The following DZIP1L variants were observed in gnomAD, a reference collection of about 807,000 sequenced individuals.
The protein encoded by DZIP1L is cilium assembly protein DZIP1L.
Under a neutral mutation model 88.7 loss-of-function variants are expected in DZIP1L, and 90 were observed. The observed-to-expected ratio is 1.02, with a 90% CI of 0.86 to 1.21. DZIP1L has a LOEUF of 1.21. Among genes scored for constraint, DZIP1L ranks in the 50% most tolerant of loss-of-function variants. The probability of loss-of-function intolerance (pLI) is 0.00; values close to 1 mark genes in which losing one functional copy is unlikely to be tolerated. For synonymous variants in DZIP1L, 363 were observed against 372.1 expected (o/e 0.98, Z 0.28); for missense variants, 932 against 955.8 (o/e 0.98, Z 0.33).
intron 2 of DZIP1L, among the ~76,000 whole-genome samples, chr3:138,101,326 T>TAGGC (rs2042303424): frequency 1.3e-5 from 2 of 151,188 alleles, no homozygotes; most frequent in African/African-American, 4.9e-5. Flanking sequence ...GGGGGGTCCC[T>TAGGC]AGGCAGTAAA....
chr3:138,082,828 TA>T (rs1456479028), intron 8 of DZIP1L, among the ~76,000 whole-genome samples: 2 of 152,224 alleles, frequency 1.3e-5, no homozygotes, highest in African/African-American at 4.8e-5. Context: ...ATAATATAGA[TA>T]AGCACAAGTC....
At chr3:138,088,556 T>C (rs377514143) in intron 5 of DZIP1L, 49 bp from the exon 6 acceptor site, 4 of 1,596,236 alleles carry the variant, frequency 2.5e-6, no homozygotes, top group East Asian at 2.3e-5. Flanking sequence ...CTCATCATGA[T>C]GTTGTCTTTT....
At chr3:138,101,930 T>C (rs1162591576) in intron 2 of DZIP1L, 1 of 1,483,298 alleles carries the variant, frequency 6.7e-7, no homozygotes, top group Non-Finnish European at 9.4e-7. Context: ...GCATCTGCGA[T>C]GCCCTCTGGC....
chr3:138,104,417 A>G (rs2042419065), intron 1 of DZIP1L, among the ~76,000 whole-genome samples: 1 of 152,198 alleles, frequency 6.6e-6, no homozygotes, highest in African/African-American at 2.4e-5. Context: ...GCCCACCTCC[A>G]CTGCAGGAAT....
chr3:138,085,187 T>C (rs997144607), intron 7 of DZIP1L, among the ~76,000 whole-genome samples: 1 of 152,192 alleles, frequency 6.6e-6, no homozygotes, highest in Non-Finnish European at 1.5e-5. Flanking sequence ...ATTCAGGACA[T>C]AGGCATGGGC....
intron 7 of DZIP1L, among the ~76,000 whole-genome samples, chr3:138,085,743 C>A (rs1269146851): frequency 1.3e-5 from 2 of 152,158 alleles, no homozygotes; most frequent in South Asian, 2.1e-4. Context: ...TTGACCCAGC[C>A]ATCCCATTAC....
chr3:138,087,827 T>G (rs965365726), intron 6 of DZIP1L, among the ~76,000 whole-genome samples: 1 of 152,224 alleles, frequency 6.6e-6, no homozygotes, highest in Admixed American at 6.5e-5. Context: ...ATAACCAGAC[T>G]GCAGTAAAAT....
At chr3:138,064,261 C>T in intron 15 of DZIP1L, 2 of 868,090 alleles carry the variant, frequency 2.3e-6, no homozygotes, top group Non-Finnish European at 3.1e-6. Context: ...GGGTCCATGG[C>T]AGAGTGAGGG....
chr3:138,077,583 C>A lies in DZIP1L; in HGVS notation c.1338G>T (p.Arg446Ser). 2 of 1,614,218 alleles carry A rather than the reference C, an allele frequency of 1.2e-6. No homozygotes were observed. The highest frequency in any genetic ancestry group is 1.7e-6 in the Non-Finnish European group (2 of 1,180,040). The change falls in exon 11 of 16, where the codon AGG becomes AGT. Residue 446 changes from arginine (R) to serine (S), a missense_variant. Physicochemically the swap from Arg to Ser is moderately radical, Grantham distance 110. Transcript: ENST00000327532. ...AGTGCTTCAGCAAAGTGGGGTTACG[C>A]CTCAGAGCTGCCAGCACCTTGTGCT... is the stretch of plus-strand genomic sequence containing the variant. ...DEQHKVLAAL[R>S]RNPTLLKHFR...
chr3:138,108,190 A>C, intron 1 of DZIP1L: 1 of 985,252 alleles, frequency 1.0e-6, no homozygotes, highest in Non-Finnish European at 1.2e-6. Flanking sequence ...CATGATACTC[A>C]CCATGCTTAG....
At position 138,083,826 on chromosome 3, in the gene DZIP1L, A is replaced by G. The variant is rs190882840; in HGVS notation, c.1203+287T>C. 9.5e-4 allele frequency among the ~76,000 whole-genome samples: 145 copies of G among 152,282 alleles called. 1 individual carries two copies. Among genetic ancestry groups the G allele is most frequent in the Admixed American group, 9.4e-3 (144 of 15,300 alleles). Reference sequence around the variant, plus strand: ...GAAGGATAGTAGTGAGGCTTAAATGAGGTAATAAGCAAAGTATCAGTGAGG... The same window carrying G: ...GAAGGATAGTAGTGAGGCTTAAATGGGGTAATAAGCAAAGTATCAGTGAGG... On this transcript the variant is annotated intron_variant, in intron 8 of 15. Coordinates refer to ENST00000327532, the MANE Select transcript of DZIP1L (RefSeq NM_173543.3).
intron 7 of DZIP1L, among the ~76,000 whole-genome samples, chr3:138,084,597 G>A (rs1175693349): frequency 6.6e-6 from 1 of 152,162 alleles, no homozygotes; most frequent in African/African-American, 2.4e-5. Flanking sequence ...TACTTCTGAT[G>A]TAATAGCAGA....
chr3:138,090,472 A>G (rs2622719), intron 5 of DZIP1L, among the ~76,000 whole-genome samples: 96,495 of 152,018 alleles, frequency 0.63, 31,319 homozygotes, highest in Non-Finnish European at 0.7. Flanking sequence ...GCATGAGGTC[A>G]ATAGTGGAGC....
chr3:138,100,885 G>A (rs1448300929), intron 2 of DZIP1L, among the ~76,000 whole-genome samples: 3 of 152,036 alleles, frequency 2.0e-5, no homozygotes, highest in Non-Finnish European at 4.4e-5. Flanking sequence ...ACATGCAAAC[G>A]CTCCATGTTG....
In DZIP1L at chr3:138,103,602, G is replaced by A. The variant is rs145919527; in HGVS notation, c.370C>T (p.Arg124Cys). The A allele has an allele frequency of 5.7e-5, 92 of 1,606,478 alleles. No homozygotes were observed. Among genetic ancestry groups the A allele is most frequent in the South Asian group, 3.7e-4 (34 of 90,770 alleles). The change falls in exon 2 of 16, where the codon CGT becomes TGT. Residue 124 changes from arginine (R) to cysteine (C), a missense_variant. Coordinates refer to ENST00000327532, the MANE Select transcript of DZIP1L (RefSeq NM_173543.3). ...RLQTSLGQQQ[R>C]GQQELGRQAD... Reference sequence around the variant, plus strand: ...TGGCGTCCCAGCTCCTGCTGACCACGCTGCTGCTGGCCCAGGCTGGTCTGC... The same window carrying A: ...TGGCGTCCCAGCTCCTGCTGACCACACTGCTGCTGGCCCAGGCTGGTCTGC...
In DZIP1L at chr3:138,080,626, G is replaced by C; in HGVS notation, c.1235-6C>G. 1 of 1,613,012 alleles carries C rather than the reference G, an allele frequency of 6.2e-7. No individual in the cohort carries two copies. The highest frequency in any genetic ancestry group is 8.5e-7 in the Non-Finnish European group (1 of 1,179,518). ...CTTTGGCACCTTGTGGATCCCTGAA[G>C]AGAGGAGGAACAGTTAGTGGCACCA... On this transcript the variant is annotated splice_region_variant and splice_polypyrimidine_tract_variant and intron_variant, in intron 9 of 15. Coordinates refer to ENST00000327532, the MANE Select transcript of DZIP1L (RefSeq NM_173543.3).
intron 3 of DZIP1L, 87 bp from the exon 4 acceptor site, chr3:138,095,070 T>C: frequency 6.3e-7 from 1 of 1,586,626 alleles, no homozygotes; most frequent in Non-Finnish European, 8.6e-7. Context: ...CAGCCATACC[T>C]CGGTCTCAAA....
At chr3:138,104,904 C>T (rs1485418321) in intron 1 of DZIP1L, among the ~76,000 whole-genome samples, 1 of 152,108 alleles carries the variant, frequency 6.6e-6, no homozygotes, top group East Asian at 1.9e-4. Context: ...CATTCCACTA[C>T]TAAAAATTAT....
intron 14 of DZIP1L, among the ~76,000 whole-genome samples, chr3:138,067,071 G>A (rs927670561): frequency 6.6e-6 from 1 of 152,160 alleles, no homozygotes; most frequent in African/African-American, 2.4e-5. Context: ...TGGGGAGGCT[G>A]GAGGGGCCCC....
Sources: gnomAD v4.1 joint callset for allele counts (sites outside exome capture counted in the v4.1 genomes callset) on GRCh38, gnomAD v4.1.1 for gene constraint, MANE v1.5 for transcripts, NCBI Gene and HGNC (gene_info 2026-07-23, HGNC 2026-07-21) for gene names.